Variants in SLC26A3 observed in about 807,000 individuals in gnomAD.
SLC26A3 encodes chloride anion exchanger.
Under a neutral mutation model 85.6 loss-of-function variants are expected in SLC26A3, and 64 were observed. That is an observed-to-expected ratio of 0.75 (90% confidence interval 0.61 to 0.92). SLC26A3 has a LOEUF of 0.92. Among genes scored for constraint, SLC26A3 ranks in the 40% least tolerant of loss-of-function variants. The pLI is 0.00. For synonymous variants in SLC26A3, 349 were observed against 336.0 expected (o/e 1.04, Z -0.42); for missense variants, 922 against 927.3 (o/e 0.99, Z 0.07).
chr7:107,795,100 A>G (rs562355559), intron 1 of SLC26A3, among the ~76,000 whole-genome samples: 1 of 152,240 alleles, frequency 6.6e-6, no homozygotes, highest in East Asian at 1.9e-4. Context: ...TGTTTCTGGG[A>G]GTTAGAGTTT....
intron 8 of SLC26A3, among the ~76,000 whole-genome samples, chr7:107,784,110 A>G (rs1164170515): frequency 6.6e-6 from 1 of 152,354 alleles, no homozygotes; most frequent in South Asian, 2.1e-4. Flanking sequence ...AAGTGGGTTA[A>G]TTAGGTCCAA....
intron 4 of SLC26A3, among the ~76,000 whole-genome samples, 198 bp downstream of exon 4, chr7:107,791,632 A>ATAAC (rs1794404397): frequency 6.6e-6 from 1 of 151,434 alleles, no homozygotes; most frequent in Non-Finnish European, 1.5e-5. Flanking sequence ...ATAAAAATAA[A>ATAAC]TAAATAAATA....
rs772218006 is a variant in SLC26A3, at chr7:107,774,866, A to C, written c.1684T>G (p.Phe562Val). 2.2e-5 allele frequency: 36 copies of C among 1,613,698 alleles called. No individual in the cohort carries two copies. Among genetic ancestry groups the C allele is most frequent in the Non-Finnish European group, 2.8e-5 (33 of 1,179,702 alleles). ...TTGCGTAGAATTCGAAGTGGACTAA[A>C]GCCAACCTGAGAAACCCATTGCTGT... Reference protein sequence around the residue: ...FRRKLIDAVGFSPLRILRKRN... With the variant: ...FRRKLIDAVGVSPLRILRKRN... Residue 562 changes from phenylalanine (F) to valine (V), a missense_variant, in exon 16 of 21, where the codon TTT becomes GTT. Phe to Val is a conservative substitution (Grantham distance 50). Coordinates refer to ENST00000340010, the MANE Select transcript of SLC26A3 (RefSeq NM_000111.3).
At chr7:107,793,319 A>G (rs1419294372) in intron 3 of SLC26A3, among the ~76,000 whole-genome samples, 1 of 152,248 alleles carries the variant, frequency 6.6e-6, no homozygotes, top group Admixed American at 6.5e-5. Flanking sequence ...AACTCATAAT[A>G]GCCCCCAAGT....
Position 107,791,089 on chromosome 7 carries a change from C to G in SLC26A3, c.529G>C (p.Ala177Pro), listed in dbSNP as rs769586560. The G allele has an allele frequency of 5.6e-6, 9 of 1,614,062 alleles. No homozygotes were observed. The East Asian group carries it at 1.8e-4, about 32-fold the overall frequency. ...SLLDDERVRV[A>P]AAASVTVLSG... is the part of the protein sequence containing the mutation. ...AGCACTGTGACTGATGCCGCCGCCG[C>G]CACCCTCACCCTCTCGTCATCCAGT... is the stretch of plus-strand genomic sequence containing the variant. The change falls in exon 5 of 21, where the codon GCG (alanine) becomes CCG (proline). Residue 177 changes from alanine (A) to proline (P), a missense_variant. Physicochemically the swap from Ala to Pro is conservative, Grantham distance 27 (BLOSUM62 -1). Transcript: ENST00000340010.
chr7:107,768,747 C>T (rs1296625177), intron 18 of SLC26A3, among the ~76,000 whole-genome samples: 1 of 151,766 alleles, frequency 6.6e-6, no homozygotes, highest in East Asian at 1.9e-4. Context: ...AGAAATTTTC[C>T]TCTTGGTGGG....
Position 107,774,050 on chromosome 7 carries a change from G to A in SLC26A3, c.1877C>T (p.Pro626Leu), listed in dbSNP as rs1458667391. 2 of 1,614,156 alleles carry A rather than the reference G, an allele frequency of 1.2e-6. No individual in the cohort carries two copies. The highest frequency in any genetic ancestry group is 2.2e-5 in the South Asian group (2 of 91,084). ...LDQPINTTDL[P>L]FHIDWNDDLP... ...ATCATCATTCCAGTCAATGTGGAAA[G>A]GCAGGTCTGTGGTATTGATTGGCTG... The change falls in exon 17 of 21, where the codon CCT (proline) becomes CTT (leucine). Residue 626 changes from proline to leucine, a missense_variant. Transcript: ENST00000340010.
intron 4 of SLC26A3, 115 bp from the exon 5 acceptor site, chr7:107,791,350 G>C: frequency 1.7e-6 from 2 of 1,143,552 alleles, no homozygotes; most frequent in Non-Finnish European, 2.6e-6. Flanking sequence ...GGTGGCTCAC[G>C]CCTGTAATCC....
At chr7:107,770,425 ATTTT>A (rs755510664) in intron 18 of SLC26A3, among the ~76,000 whole-genome samples, 1 of 127,552 alleles carries the variant, frequency 7.8e-6, no homozygotes, top group Admixed American at 7.9e-5. Flanking sequence ...CCCAGCTAAC[ATTTT>A]TTTTTTTTTT....
At position 107,783,072 on chromosome 7, in the gene SLC26A3, C is replaced by T. The variant is rs1794237438; in HGVS notation, c.1141G>A (p.Gly381Ser). 1.2e-6 allele frequency: 2 copies of T among 1,614,050 alleles called. No homozygotes were observed. The highest frequency in any genetic ancestry group is 8.5e-7 in the Non-Finnish European group (1 of 1,180,018). Residue 381 changes from glycine to serine, a missense_variant, in exon 10 of 21, where the codon GGT (glycine) becomes AGT (serine). Coordinates refer to ENST00000340010, the MANE Select transcript of SLC26A3 (RefSeq NM_000111.3). ...CTGAATACTCCACAGACTATGTTAC[C>T]CAGTCCCAAGGCTATTAACTCCTGA... is the stretch of plus-strand genomic sequence containing the variant. ...GNQELIALGLGNIVCGVFRGF... is the reference protein window; with the variant it reads ...GNQELIALGLSNIVCGVFRGF...
chr7:107,774,249 T>C lies in SLC26A3; in HGVS notation c.1774-96A>G, dbSNP rs1047051719. On this transcript the variant is annotated intron_variant, in intron 16 of 20. Transcript: ENST00000340010. The stretch of plus-strand genomic sequence containing the variant: ...GAGTTTCAGAAGCACTGATTCTGAG[T>C]TGAGCCAAACGATGGGATTGGACTA... 4 of 996,758 alleles carry C rather than the reference T, an allele frequency of 4.0e-6. No individual in the cohort carries two copies. In the African/African-American group the frequency reaches 4.8e-5, roughly 12 times the overall value. 61.7% of individuals were successfully genotyped at this position (996,758 alleles called of 1,614,324 possible).
At chr7:107,779,861 C>T in intron 11 of SLC26A3, 98 bp from the exon 12 acceptor site, 2 of 994,582 alleles carry the variant, frequency 2.0e-6, no homozygotes, top group Non-Finnish European at 3.1e-6. Flanking sequence ...CTTTAAAGGG[C>T]CTCAAAGCAA....
At position 107,793,678 on chromosome 7, in the gene SLC26A3, T is replaced by A. The variant is rs533269001; in HGVS notation, c.271+64A>T. 15 of 1,280,786 alleles carry A rather than the reference T, an allele frequency of 1.2e-5. No individual in the cohort carries two copies. The East Asian group carries it at 2.8e-4, about 24-fold the overall frequency. 79.3% of individuals were successfully genotyped at this position (1,280,786 alleles called of 1,614,324 possible). On this transcript the variant is annotated intron_variant, in intron 3 of 20. Coordinates refer to ENST00000340010, the MANE Select transcript of SLC26A3 (RefSeq NM_000111.3). ...ACCTAGTGAATATACGAAAAGTCCC[T>A]GAGCTGTACACATTCAGAGGAAGAA...
intron 15 of SLC26A3, among the ~76,000 whole-genome samples, chr7:107,775,491 G>A (rs988222692): frequency 3.3e-5 from 5 of 152,004 alleles, no homozygotes; most frequent in South Asian, 2.1e-4. Context: ...TTGGGAGGCC[G>A]AGGTGGGAGG....
chr7:107,798,880 G>C (rs1342040008), intron 1 of SLC26A3, among the ~76,000 whole-genome samples: 1 of 152,154 alleles, frequency 6.6e-6, no homozygotes, highest in Admixed American at 6.5e-5. Flanking sequence ...TTAGTCCTTG[G>C]ACAATGGGAA....
intron 6 of SLC26A3, among the ~76,000 whole-genome samples, chr7:107,788,132 T>C (rs968129046): frequency 6.6e-6 from 1 of 152,190 alleles, no homozygotes; most frequent in Admixed American, 6.5e-5. Context: ...ACTCCACTTT[T>C]GGAATACCTC....
At chr7:107,778,073 C>G in intron 13 of SLC26A3, 102 bp downstream of exon 13, 1 of 795,096 alleles carries the variant, frequency 1.3e-6, no homozygotes, top group East Asian at 2.6e-5. Context: ...AAATGCACAC[C>G]TATCAACCAA....
chr7:107,797,739 C>CATTTTTTTTTTTTTT (rs781396459), intron 1 of SLC26A3, among the ~76,000 whole-genome samples: 3 of 70,538 alleles, frequency 4.3e-5, no homozygotes, highest in African/African-American at 1.7e-4. Flanking sequence ...TTGAGCAGGA[C>CATTTTTTTTTTTTTT]CTTTTTTTTT....
At chr7:107,783,463 T>G (rs1794243640) in intron 8 of SLC26A3, 111 bp from the exon 9 acceptor site, 1 of 1,283,312 alleles carries the variant, frequency 7.8e-7, no homozygotes, top group Non-Finnish European at 1.1e-6. Context: ...TGTCTCACTT[T>G]GGAGTATGAT....
Sources: allele counts gnomAD v4.1 joint callset (sites outside exome capture counted in the v4.1 genomes callset), GRCh38; gene constraint gnomAD v4.1.1; transcripts MANE v1.5; gene names NCBI Gene and HGNC (gene_info 2026-07-23, HGNC 2026-07-21).